The following SLC35F3 variants were observed in gnomAD, a reference collection of about 807,000 sequenced individuals.
The protein encoded by SLC35F3 is putative thiamine transporter SLC35F3.
A neutral mutation model predicts 49.9 loss-of-function variants in SLC35F3; 25 were observed. The observed-to-expected ratio is 0.50, with a 90% CI of 0.37 to 0.70. The LOEUF (loss-of-function observed/expected upper bound fraction) is 0.70, where lower values mean the gene tolerates loss of function less well. SLC35F3 is among the 30% of genes least tolerant of loss of function. The pLI, the probability that SLC35F3 is intolerant of heterozygous loss-of-function variation, is 0.00. For synonymous variants in SLC35F3, 275 were observed against 265.4 expected (o/e 1.04, Z -0.35); for missense variants, 525 against 639.8 (o/e 0.82, Z 1.94).
chr1:234,240,655 G>A (rs1243231190), intron 3 of SLC35F3, among the ~76,000 whole-genome samples: 3 of 152,006 alleles, frequency 2.0e-5, no homozygotes, highest in East Asian at 3.9e-4. Flanking sequence ...ATGACAAGGA[G>A]GAGGTCCTAA....
chr1:234,124,479 T>C (rs1047384595), intron 2 of SLC35F3, among the ~76,000 whole-genome samples: 2 of 152,144 alleles, frequency 1.3e-5, no homozygotes, highest in African/African-American at 4.8e-5. Flanking sequence ...GGGGCTGAAA[T>C]AAATTATTAT....
intron 2 of SLC35F3, among the ~76,000 whole-genome samples, chr1:233,906,758 T>TA (rs112487922): frequency 0.03 from 4,564 of 151,122 alleles, 129 homozygotes; most frequent in East Asian, 0.15. Context: ...TATTCATCAC[T>TA]AAAAAAAAAT....
In SLC35F3 at chr1:234,318,776, G is replaced by C; in HGVS notation, c.980G>C (p.Ser327Thr). The C allele has an allele frequency of 1.2e-6, 2 of 1,614,194 alleles. No individual in the cohort carries two copies. Among genetic ancestry groups the C allele is most frequent in the Non-Finnish European group, 1.7e-6 (2 of 1,180,012 alleles). The change falls in exon 6 of 8, where the codon AGT becomes ACT. Residue 327 changes from serine to threonine, a missense_variant. Ser to Thr is a moderately conservative substitution (Grantham distance 58, BLOSUM62 1). Coordinates refer to ENST00000366618, the MANE Select transcript of SLC35F3 (RefSeq NM_173508.4). ...GTTTTGTTCAAGCTCCTCCTGGGCA[G>C]TGCTAAGTTTGGAGAAGCCGCCTTA... ...YKVLFKLLLG[S>T]AKFGEAALFL...
At chr1:233,937,085 G>A (rs909162208) in intron 2 of SLC35F3, among the ~76,000 whole-genome samples, 1 of 152,060 alleles carries the variant, frequency 6.6e-6, no homozygotes, top group Admixed American at 6.6e-5. Flanking sequence ...CTACCCCCAT[G>A]AATCTAGCAG....
chr1:234,258,883 G>A (rs1046427170), intron 3 of SLC35F3, among the ~76,000 whole-genome samples: 1 of 152,178 alleles, frequency 6.6e-6, no homozygotes, highest in Non-Finnish European at 1.5e-5. Flanking sequence ...CATCCAACTA[G>A]TGGAAATAAA....
chr1:234,302,773 C>G (rs975616017), intron 3 of SLC35F3, among the ~76,000 whole-genome samples: 7 of 152,124 alleles, frequency 4.6e-5, no homozygotes, highest in African/African-American at 1.7e-4. Context: ...CTCTCTCTCT[C>G]TGTGGTTTTC....
intron 2 of SLC35F3, among the ~76,000 whole-genome samples, chr1:233,972,503 G>A (rs1663012298): frequency 6.6e-6 from 1 of 152,156 alleles, no homozygotes; most frequent in Non-Finnish European, 1.5e-5. Context: ...ACTCCTCTCT[G>A]TGCCTCAGTT....
intron 2 of SLC35F3, among the ~76,000 whole-genome samples, chr1:233,920,862 C>G (rs1662046315): frequency 6.6e-6 from 1 of 152,318 alleles, no homozygotes; most frequent in South Asian, 2.1e-4. Flanking sequence ...ATCTGAAGCT[C>G]TCAGTCCTAC....
intron 2 of SLC35F3, among the ~76,000 whole-genome samples, chr1:234,178,001 T>C (rs1029963706): frequency 4.6e-5 from 7 of 152,376 alleles, no homozygotes; most frequent in Admixed American, 2.6e-4. Flanking sequence ...GCGCATGCTT[T>C]ACTTATCACA....
intron 2 of SLC35F3, among the ~76,000 whole-genome samples, chr1:234,023,385 G>T (rs1474947967): frequency 1.3e-5 from 2 of 152,104 alleles, no homozygotes; most frequent in Non-Finnish European, 2.9e-5. Flanking sequence ...CAACTGAAAG[G>T]GCTCCCAGTG....
intron 2 of SLC35F3, among the ~76,000 whole-genome samples, chr1:233,955,839 T>C (rs2102807807): frequency 6.6e-6 from 1 of 150,602 alleles, no homozygotes; most frequent in Middle Eastern, 3.4e-3. Flanking sequence ...GTGTTTCCAT[T>C]GTTGACCACA....
intron 2 of SLC35F3, among the ~76,000 whole-genome samples, chr1:234,056,552 A>G (rs936395183): frequency 6.6e-6 from 1 of 152,114 alleles, no homozygotes; most frequent in African/African-American, 2.4e-5. Flanking sequence ...CCATGCAACC[A>G]CTAATCTACT....
At chr1:234,299,622 G>A (rs566887484) in intron 3 of SLC35F3, among the ~76,000 whole-genome samples, 27 of 151,928 alleles carry the variant, frequency 1.8e-4, no homozygotes, top group Middle Eastern at 3.4e-3. Context: ...TGGCTAACAC[G>A]GTGAAACCCC....
chr1:234,194,619 TAA>T (rs11353582), intron 2 of SLC35F3, among the ~76,000 whole-genome samples: 2 of 150,524 alleles, frequency 1.3e-5, no homozygotes, highest in East Asian at 1.9e-4. Context: ...ATTAATGCAA[TAA>T]AAAAAAAGAA....
chr1:234,161,308 C>T (rs144785832), intron 2 of SLC35F3, among the ~76,000 whole-genome samples: 2 of 152,272 alleles, frequency 1.3e-5, no homozygotes, highest in African/African-American at 4.8e-5. Context: ...GTACCTTGCT[C>T]GAGATCAAAT....
intron 2 of SLC35F3, among the ~76,000 whole-genome samples, chr1:234,079,657 ACAT>A (rs1171299115): frequency 2.6e-5 from 4 of 152,238 alleles, no homozygotes; most frequent in Admixed American, 2.6e-4. Flanking sequence ...GAAATGTCTA[ACAT>A]CATTCATTAT....
chr1:234,204,348 A>G (rs1471405493), intron 2 of SLC35F3, among the ~76,000 whole-genome samples: 1 of 152,230 alleles, frequency 6.6e-6, no homozygotes. Context: ...AGCAAAACAG[A>G]TTGACAAAAA....
At position 234,055,145 on chromosome 1, in the gene SLC35F3, G is replaced by A. The variant is rs189576825; in HGVS notation, c.283+149387G>A. On this transcript the variant is annotated intron_variant, in intron 2 of 7. Transcript: ENST00000366618. ...GTTCTCAGATCTCAAACTCCATGCTGGGAGATCCACTACTCTCTTCAAAGC... is the reference window on the plus strand; with the variant it reads ...GTTCTCAGATCTCAAACTCCATGCTAGGAGATCCACTACTCTCTTCAAAGC... Among the ~76,000 whole-genome samples, 323 of 152,254 alleles carry A rather than the reference G, an allele frequency of 2.1e-3. 3 individuals are homozygous for A. The highest frequency in any genetic ancestry group is 5.8e-4 in the East Asian group (3 of 5,182).
At chr1:233,958,202 G>T (rs7554561) in intron 2 of SLC35F3, among the ~76,000 whole-genome samples, 1 of 152,112 alleles carries the variant, frequency 6.6e-6, no homozygotes, top group Non-Finnish European at 1.5e-5. Flanking sequence ...CTCTTTTGAT[G>T]ATATGAACTA....
Sources: allele counts gnomAD v4.1 joint callset (sites outside exome capture counted in the v4.1 genomes callset), GRCh38; gene constraint gnomAD v4.1.1; transcripts MANE v1.5; gene names NCBI Gene and HGNC (gene_info 2026-07-23, HGNC 2026-07-21).